ADGB: variants seen among roughly 807,000 people sequenced by gnomAD.
ADGB encodes the protein androglobin.
In ADGB, 172 loss-of-function variants were observed where a neutral mutation model predicts 210.5. That is an observed-to-expected ratio of 0.82 (90% confidence interval 0.72 to 0.93). The LOEUF (loss-of-function observed/expected upper bound fraction) is 0.93. ADGB is among the 40% of genes least tolerant of loss of function. The pLI is 0.00. For missense variants in ADGB, 2,025 were observed against 1,964.8 expected, an observed-to-expected ratio of 1.03 and a Z score of -0.58; for synonymous variants, 658 against 662.7, an observed-to-expected ratio of 0.99 and a Z score of 0.11.
chr6:146,780,477 T>C (rs573434988), intron 29 of ADGB, among the ~76,000 whole-genome samples: 1 of 152,008 alleles, frequency 6.6e-6, no homozygotes, highest in Admixed American at 6.5e-5. Flanking sequence ...AAAATACAAA[T>C]AGTTTGAGAG....
At chr6:146,646,085 G>A (rs910554157) in intron 3 of ADGB, among the ~76,000 whole-genome samples, 12 of 152,124 alleles carry the variant, frequency 7.9e-5, no homozygotes, top group Admixed American at 2.0e-4. Flanking sequence ...AGATGATGAT[G>A]TTGTAAATTT....
rs183529794 is a variant in ADGB at position 146,748,773 on chromosome 6, T to C, written c.3365+2664T>C. 2.0e-5 allele frequency among the ~76,000 whole-genome samples: 3 copies of C among 152,268 alleles called. No homozygotes were observed. In the East Asian group the frequency reaches 5.8e-4, roughly 29 times the overall value. On this transcript the variant is annotated intron_variant, in intron 26 of 35. Coordinates refer to ENST00000397944, the MANE Select transcript of ADGB (RefSeq NM_024694.4). Reference sequence around the variant, plus strand: ...TTTTAAATTTTTTGTAGAGACAGACTCTTGCTATGTTGACCAGGCTGGTCT... The same window carrying C: ...TTTTAAATTTTTTGTAGAGACAGACCCTTGCTATGTTGACCAGGCTGGTCT...
At chr6:146,715,210 C>T (rs1422952440) in intron 13 of ADGB, among the ~76,000 whole-genome samples, 172 bp from the exon 14 acceptor site, 1 of 152,092 alleles carries the variant, frequency 6.6e-6, no homozygotes, top group African/African-American at 2.4e-5. Context: ...CCATTCATGT[C>T]CTTTGACATT....
chr6:146,722,778 G>T (rs1424953067), intron 17 of ADGB, among the ~76,000 whole-genome samples: 1 of 152,112 alleles, frequency 6.6e-6, no homozygotes, highest in Non-Finnish European at 1.5e-5. Flanking sequence ...TTCAGAATTT[G>T]TACCTCCCTT....
At chr6:146,781,080 C>A (rs947996823) in intron 29 of ADGB, among the ~76,000 whole-genome samples, 6 of 150,670 alleles carry the variant, frequency 4.0e-5, no homozygotes, top group African/African-American at 1.5e-4. Context: ...GTAATCCCAG[C>A]ACTTTGGGAG....
At position 146,663,171 on chromosome 6, in the gene ADGB, A is replaced by ACATTATATATAATATATAATATATATT. The variant is rs1583579837; in HGVS notation, c.613-1030_613-1029insCATTATATATAATATATAATATATATT. Among the ~76,000 whole-genome samples the ACATTATATATAATATATAATATATATT allele has an allele frequency of 2.1e-5, 3 of 141,618 alleles. No homozygotes were observed. The East Asian group carries it at 5.9e-4, about 28-fold the overall frequency. 92.9% of individuals were successfully genotyped at this position (141,618 alleles called of 152,430 possible). Reference sequence around the variant, plus strand: ...TAAATATATAATATATATTTATTATATATTATATATTATATATAATAATAT... The same window carrying ACATTATATATAATATATAATATATATT: ...TAAATATATAATATATATTTATTATACATTATATATAATATATAATATATATTTATTATATATTATATATAATAATAT... On this transcript the variant is annotated intron_variant, in intron 5 of 35. Coordinates refer to ENST00000397944, the MANE Select transcript of ADGB (RefSeq NM_024694.4).
intron 14 of ADGB, among the ~76,000 whole-genome samples, chr6:146,715,992 A>T (rs1382195374): frequency 1.4e-5 from 2 of 147,744 alleles, no homozygotes; most frequent in Non-Finnish European, 3.0e-5. Flanking sequence ...CTCTTGAACC[A>T]GGGAGTCAGA....
intron 11 of ADGB, among the ~76,000 whole-genome samples, chr6:146,691,624 C>G (rs1776331215): frequency 7.1e-6 from 1 of 140,524 alleles, no homozygotes; most frequent in Non-Finnish European, 1.5e-5. Context: ...TCTCCTGCCT[C>G]AGCCTCCTGA....
chr6:146,640,699 T>TA (rs1328192213), intron 2 of ADGB, among the ~76,000 whole-genome samples: 1 of 151,914 alleles, frequency 6.6e-6, no homozygotes, highest in East Asian at 1.9e-4. Context: ...AGGCTTTTGA[T>TA]AAAATTTGAC....
chr6:146,734,161 A>C, intron 22 of ADGB, 131 bp downstream of exon 22: 2 of 965,660 alleles, frequency 2.1e-6, no homozygotes, highest in Non-Finnish European at 3.0e-6. Context: ...TAATGAAATT[A>C]TTTGAAATCA....
intron 3 of ADGB, 60 bp downstream of exon 3, chr6:146,644,925 TA>T (rs1348393574): frequency 2.8e-5 from 30 of 1,058,176 alleles, no homozygotes; most frequent in Non-Finnish European, 3.8e-5. Flanking sequence ...ATCCTACTGA[TA>T]AAAATTTGCA....
intron 26 of ADGB, among the ~76,000 whole-genome samples, chr6:146,747,118 G>A (rs1777251309): frequency 6.6e-6 from 1 of 152,096 alleles, no homozygotes; most frequent in South Asian, 2.1e-4. Context: ...TTGAAGGCAA[G>A]AATCATTTAT....
Position 146,726,827 on chromosome 6 carries a change from T to C in ADGB, c.2352+630T>C, listed in dbSNP as rs1306379350. Among the ~76,000 whole-genome samples the C allele has an allele frequency of 5.9e-5, 9 of 152,312 alleles. No homozygotes were observed. The East Asian group carries it at 1.4e-3, about 23-fold the overall frequency. ...TGGGGTATAAATATCAGTGCAGTCC[T>C]TTTTAATAGAGTTTAAAATTTTGGT... On this transcript the variant is annotated intron_variant, in intron 19 of 35. Coordinates refer to ENST00000397944, the MANE Select transcript of ADGB (RefSeq NM_024694.4).
chr6:146,799,535 GAAAA>G (rs35756296), intron 33 of ADGB, among the ~76,000 whole-genome samples: 3 of 93,484 alleles, frequency 3.2e-5, no homozygotes, highest in Non-Finnish European at 6.0e-5. Flanking sequence ...TCTGGGGGGA[GAAAA>G]AAAAAAAAAA....
intron 26 of ADGB, among the ~76,000 whole-genome samples, chr6:146,750,970 GTTTA>G (rs1235776614): frequency 6.6e-6 from 1 of 151,990 alleles, no homozygotes; most frequent in Non-Finnish European, 1.5e-5. Context: ...TTTTATATTT[GTTTA>G]TTTATTTTTA....
chr6:146,650,597 C>CAAAAA lies in ADGB; in HGVS notation c.331-3505_331-3501dup, dbSNP rs57913607. On this transcript the variant is annotated intron_variant, in intron 3 of 35. Transcript: ENST00000397944. ...ATAAATACTCCTGAGTCCCTCCCAC[C>CAAAAA]AAAAAAAAAAAAAAAAAAAAAAAAA... Among the ~76,000 whole-genome samples the CAAAAA allele has an allele frequency of 1.1e-3, 39 of 36,558 alleles. 4 individuals carry two copies. The highest frequency in any genetic ancestry group is 3.5e-3 in the African/African-American group (26 of 7,444). The allele number at this position is 36,558 out of a possible 152,430, so 24.0% of individuals were successfully genotyped here.
At chr6:146,679,071 G>A (rs907923225) in intron 9 of ADGB, among the ~76,000 whole-genome samples, 1 of 152,070 alleles carries the variant, frequency 6.6e-6, no homozygotes, top group African/African-American at 2.4e-5. Flanking sequence ...ATCAAAACAA[G>A]CTGTATTGTA....
At chr6:146,700,235 C>T (rs1433116255) in intron 12 of ADGB, among the ~76,000 whole-genome samples, 2 of 152,214 alleles carry the variant, frequency 1.3e-5, no homozygotes, top group Admixed American at 1.3e-4. Flanking sequence ...CCATTCTTGG[C>T]TCCTGGCCAT....
At chr6:146,691,315 C>A in intron 11 of ADGB, 25 bp downstream of exon 11, 2 of 1,496,918 alleles carry the variant, frequency 1.3e-6, no homozygotes, top group South Asian at 2.6e-5. Context: ...ATCTTCAAAT[C>A]CTTCTAATTA....
Sources: gnomAD v4.1 joint callset for allele counts (sites outside exome capture counted in the v4.1 genomes callset) on GRCh38, gnomAD v4.1.1 for gene constraint, MANE v1.5 for transcripts, NCBI Gene and HGNC (gene_info 2026-07-23, HGNC 2026-07-21) for gene names.